The following SCAPER variants were observed in gnomAD, a reference collection of about 807,000 sequenced individuals.
The protein encoded by SCAPER is S phase cyclin A-associated protein in the endoplasmic reticulum.
Under a neutral mutation model 182.2 loss-of-function variants are expected in SCAPER, and 98 were observed. That is an observed-to-expected ratio of 0.54 (90% CI 0.46 to 0.64). The LOEUF (loss-of-function observed/expected upper bound fraction) is 0.64, where lower values mean the gene tolerates loss of function less well. Among genes scored for constraint, SCAPER ranks in the 30% least tolerant of loss-of-function variants. The probability of loss-of-function intolerance (pLI) is 0.00; values close to 1 mark genes in which losing one functional copy is unlikely to be tolerated. For synonymous variants in SCAPER, 605 were observed against 564.6 expected, an observed-to-expected ratio of 1.07 and a Z score of -1.01; for missense variants, 1,432 against 1,690.0, an observed-to-expected ratio of 0.85 and a Z score of 2.68.
chr15:76,896,130 G>A (rs920545714), intron 1 of SCAPER, among the ~76,000 whole-genome samples: 22 of 152,084 alleles, frequency 1.4e-4, no homozygotes, highest in African/African-American at 4.1e-4. Context: ...AGCACTTTGG[G>A]AGGCCAAGGC....
intron 25 of SCAPER, among the ~76,000 whole-genome samples, chr15:76,438,225 T>C (rs1157359518): frequency 1.4e-5 from 2 of 142,382 alleles, no homozygotes; most frequent in African/African-American, 2.6e-5. Context: ...GAGGTTGCAG[T>C]GAGCCGAGAT....
At chr15:76,897,982 A>G (rs567324888) in intron 1 of SCAPER, among the ~76,000 whole-genome samples, 1 of 152,316 alleles carries the variant, frequency 6.6e-6, no homozygotes, top group Non-Finnish European at 1.5e-5. Flanking sequence ...ACCACAAAGG[A>G]TTTCTGGGGA....
intron 21 of SCAPER, among the ~76,000 whole-genome samples, chr15:76,659,668 T>C (rs1170675716): frequency 2.0e-5 from 3 of 152,210 alleles, no homozygotes. Flanking sequence ...ATCAAAACCA[T>C]AATTAGATAT....
At chr15:76,810,155 A>G (rs1299862215) in intron 5 of SCAPER, among the ~76,000 whole-genome samples, 1 of 152,206 alleles carries the variant, frequency 6.6e-6, no homozygotes, top group Non-Finnish European at 1.5e-5. Flanking sequence ...ACATGAAAGC[A>G]TAAGTAAGCA....
At chr15:76,716,322 C>T (rs1192564513) in intron 17 of SCAPER, among the ~76,000 whole-genome samples, 1 of 152,128 alleles carries the variant, frequency 6.6e-6, no homozygotes, top group East Asian at 1.9e-4. Context: ...AAGTCATCCC[C>T]TTCCCACTCT....
intron 22 of SCAPER, among the ~76,000 whole-genome samples, chr15:76,584,586 C>T (rs2145563879): frequency 6.6e-6 from 1 of 152,262 alleles, no homozygotes; most frequent in African/African-American, 2.4e-5. Context: ...AAATCTAAGG[C>T]TCAAGAAAGT....
At chr15:76,590,767 G>C (rs2049046008) in intron 22 of SCAPER, among the ~76,000 whole-genome samples, 1 of 152,154 alleles carries the variant, frequency 6.6e-6, no homozygotes, top group South Asian at 2.1e-4. Context: ...TTCGATATAG[G>C]AAAGATATGG....
intron 16 of SCAPER, among the ~76,000 whole-genome samples, chr15:76,731,376 A>G (rs1273832104): frequency 1.3e-5 from 2 of 152,206 alleles, no homozygotes; most frequent in African/African-American, 4.8e-5. Flanking sequence ...GAAAAAATTG[A>G]GCTTATAATT....
intron 26 of SCAPER, among the ~76,000 whole-genome samples, chr15:76,415,414 A>G (rs1189802410): frequency 6.6e-6 from 1 of 152,178 alleles, no homozygotes; most frequent in Non-Finnish European, 1.5e-5. Context: ...GACTTTTATA[A>G]AGACATTTTA....
chr15:76,516,293 G>A (rs1156681231), intron 23 of SCAPER, among the ~76,000 whole-genome samples: 2 of 151,718 alleles, frequency 1.3e-5, no homozygotes, highest in African/African-American at 4.8e-5. Context: ...CACATGCCAT[G>A]GTAGTTTGCT....
chr15:76,432,425 C>T (rs755416946), intron 26 of SCAPER, among the ~76,000 whole-genome samples: 7 of 152,188 alleles, frequency 4.6e-5, no homozygotes, highest in Non-Finnish European at 1.0e-4. Context: ...AACAACTGTT[C>T]CCAAGAAAGC....
At chr15:76,507,611 C>T (rs1238572369) in intron 23 of SCAPER, among the ~76,000 whole-genome samples, 2 of 152,070 alleles carry the variant, frequency 1.3e-5, no homozygotes, top group Admixed American at 6.5e-5. Flanking sequence ...GCATTAATGA[C>T]GTATCAATTA....
intron 26 of SCAPER, among the ~76,000 whole-genome samples, chr15:76,425,880 C>T (rs1378144924): frequency 2.0e-5 from 3 of 152,216 alleles, no homozygotes; most frequent in Admixed American, 2.0e-4. Context: ...CAGGTCCACT[C>T]CAGACCCTGT....
At chr15:76,819,640 CA>C (rs1023023150) in intron 5 of SCAPER, among the ~76,000 whole-genome samples, 2 of 152,180 alleles carry the variant, frequency 1.3e-5, no homozygotes, top group Admixed American at 1.3e-4. Flanking sequence ...AGGGAAAAAA[CA>C]GAGTAGAAAA....
chr15:76,405,270 T>C, intron 26 of SCAPER, among the ~76,000 whole-genome samples: 1 of 152,006 alleles, frequency 6.6e-6, no homozygotes, highest in South Asian at 2.1e-4. Flanking sequence ...TGTACCACCA[T>C]GTGCAGTTAA....
chr15:76,585,060 T>C (rs2048536726), intron 22 of SCAPER, among the ~76,000 whole-genome samples: 1 of 152,106 alleles, frequency 6.6e-6, no homozygotes, highest in Admixed American at 6.6e-5. Context: ...AACTCTAAAA[T>C]CAAAAGTACC....
At chr15:76,507,289 G>A (rs1052415368) in intron 23 of SCAPER, among the ~76,000 whole-genome samples, 1 of 152,132 alleles carries the variant, frequency 6.6e-6, no homozygotes, top group Non-Finnish European at 1.5e-5. Context: ...GGCCATCCAT[G>A]AGCCAAGGAG....
At position 76,795,396 on chromosome 15, in the gene SCAPER, C is replaced by A; in HGVS notation, c.656G>T (p.Gly219Val). The A allele has an allele frequency of 2.5e-6, 4 of 1,608,222 alleles. No homozygotes were observed. The highest frequency in any genetic ancestry group is 3.4e-6 in the Non-Finnish European group (4 of 1,176,584). ...TVPAPRLAPT[G>V]VSWADKVKAH... Reference sequence around the variant, plus strand: ...CTTTACCTTGTCAGCCCAACTGACACCTGTGGGAGCCAGACGAGGAGCTGG... The same window carrying A: ...CTTTACCTTGTCAGCCCAACTGACAACTGTGGGAGCCAGACGAGGAGCTGG... The change falls in exon 8 of 32, where the codon GGT becomes GTT. Residue 219 changes from glycine (G) to valine (V), a missense_variant. Around this residue, in one of 5 missense-constraint regions of SCAPER, gnomAD observed 480 missense variants for 510.2 expected, o/e 0.94. Coordinates refer to ENST00000563290, the MANE Select transcript of SCAPER (RefSeq NM_020843.4).
Position 76,496,615 on chromosome 15 carries a change from T to C in SCAPER, c.2954+8244A>G, listed in dbSNP as rs919774022. 5.9e-5 allele frequency among the ~76,000 whole-genome samples: 9 copies of C among 152,216 alleles called. No individual in the cohort carries two copies. The South Asian group carries it at 8.3e-4, about 14-fold the overall frequency. ...AGTTTAATGAATGTCATTTTCTATA[T>C]AGATTATCCAAACTGAGGTTGACAG... is the stretch of plus-strand genomic sequence containing the variant. On this transcript the variant is annotated intron_variant, in intron 24 of 31. Transcript: ENST00000563290.
Sources: gnomAD v4.1 joint callset for allele counts (sites outside exome capture counted in the v4.1 genomes callset) on GRCh38, gnomAD v4.1.1 for gene constraint, gnomAD v4.1.1 regional missense constraint, MANE v1.5 for transcripts, NCBI Gene and HGNC (gene_info 2026-07-23, HGNC 2026-07-21) for gene names.